TECTA: variants seen among roughly 807,000 people sequenced by gnomAD.
The protein encoded by TECTA is tectorin alpha, also known as alpha-tectorin.
Under a neutral mutation model 216.8 loss-of-function variants are expected in TECTA, and 128 were observed. The observed-to-expected ratio is 0.59, with a 90% CI of 0.51 to 0.68. TECTA has a LOEUF of 0.68. Among genes scored for constraint, TECTA ranks in the 30% least tolerant of loss-of-function variants. TECTA has a pLI of 0.00. For synonymous variants in TECTA, 1,089 were observed against 1,117.1 expected, an observed-to-expected ratio of 0.97 and a Z score of 0.50; for missense variants, 2,551 against 2,786.2, an observed-to-expected ratio of 0.92 and a Z score of 1.90.
intron 20 of TECTA, among the ~76,000 whole-genome samples, chr11:121,173,809 T>A (rs1947137882): frequency 6.6e-6 from 1 of 152,220 alleles, no homozygotes; most frequent in Admixed American, 6.5e-5. Context: ...ATATTGATTC[T>A]TCCTACCCAT....
Position 121,105,956 on chromosome 11 carries a change from A to G in TECTA, c.190A>G (p.Thr64Ala), listed in dbSNP as rs1946386251. ...PVFFFGVPYRTVYVNNNGVVS... is the reference protein window; with the variant it reads ...PVFFFGVPYRAVYVNNNGVVS... Reference sequence around the variant, plus strand: ...TTTCTTCTTTGGCGTTCCTTACCGCACTGTCTATGTAAGTGGAGAAGCAGC... The same window carrying G: ...TTTCTTCTTTGGCGTTCCTTACCGCGCTGTCTATGTAAGTGGAGAAGCAGC... Residue 64 changes from threonine (T) to alanine (A), a missense_variant, in exon 3 of 24, where the codon ACT (threonine) becomes GCT (alanine). Physicochemically the swap from Thr to Ala is moderately conservative, Grantham distance 58. This residue lies in a region of TECTA where 2,375 missense variants were observed against 2,563.9 expected (regional missense o/e 0.93). Coordinates refer to ENST00000392793, the MANE Select transcript of TECTA (RefSeq NM_005422.4). This position sits in a 1 kb window ranked among gnomAD's most constrained non-coding sequence, Gnocchi z 5.3. 6.2e-7 allele frequency: 1 copy of G among 1,614,100 alleles called. No individual in the cohort carries two copies. Among genetic ancestry groups the G allele is most frequent in the South Asian group, 1.1e-5 (1 of 91,086 alleles).
intron 10 of TECTA, among the ~76,000 whole-genome samples, chr11:121,133,461 G>GCT (rs1946694936): frequency 6.6e-6 from 1 of 151,760 alleles, no homozygotes; most frequent in Non-Finnish European, 1.5e-5. Flanking sequence ...TGGGGTGCCA[G>GCT]GATGGGGAAC....
At chr11:121,160,101 AG>A (rs757872412) in intron 14 of TECTA, 33 bp from the exon 15 acceptor site, 53 of 1,613,916 alleles carry the variant, frequency 3.3e-5, no homozygotes, top group Non-Finnish European at 2.8e-5. Flanking sequence ...ACCTACTCTA[AG>A]CGTAATTATT....
Position 121,109,460 on chromosome 11 carries a change from G to C in TECTA, c.448G>C (p.Glu150Gln), listed in dbSNP as rs1946423297. ...CACTTGGGTTTTCATTGTGACATGGGAGGAAGTCACGTTTTATGGAGGCAG... is the reference window on the plus strand; with the variant it reads ...CACTTGGGTTTTCATTGTGACATGGCAGGAAGTCACGTTTTATGGAGGCAG... Reference protein sequence around the residue: ...SATWVFIVTWEEVTFYGGSST... With the variant: ...SATWVFIVTWQEVTFYGGSST... The change falls in exon 4 of 24, where the codon GAG becomes CAG. Residue 150 changes from glutamate to glutamine, a missense_variant. Glu to Gln is a conservative substitution (Grantham distance 29). This residue lies in a region of TECTA where 2,375 missense variants were observed against 2,563.9 expected (regional missense o/e 0.93). Coordinates refer to ENST00000392793, the MANE Select transcript of TECTA (RefSeq NM_005422.4). 1.9e-6 allele frequency: 3 copies of C among 1,614,142 alleles called. No homozygotes were observed. The highest frequency in any genetic ancestry group is 8.5e-7 in the Non-Finnish European group (1 of 1,180,026).
chr11:121,176,077 G>A (rs1248168988), intron 20 of TECTA, among the ~76,000 whole-genome samples: 3 of 151,552 alleles, frequency 2.0e-5, no homozygotes, highest in Non-Finnish European at 4.4e-5. Flanking sequence ...GAGCCTATGT[G>A]TGTCTCTGCA....
intron 9 of TECTA, 61 bp downstream of exon 9, chr11:121,128,405 C>T (rs2135082250): frequency 6.6e-7 from 1 of 1,521,470 alleles, no homozygotes; most frequent in African/African-American, 1.4e-5. Context: ...GAGGAGCTCG[C>T]CATCCTCTTC....
At chr11:121,164,038 G>A (rs1947027153) in intron 16 of TECTA, among the ~76,000 whole-genome samples, 1 of 152,192 alleles carries the variant, frequency 6.6e-6, no homozygotes, top group African/African-American at 2.4e-5. Context: ...AGCCATCCAT[G>A]CACTCCCACG....
intron 4 of TECTA, 103 bp downstream of exon 4, chr11:121,109,601 C>A: frequency 7.0e-7 from 1 of 1,423,240 alleles, no homozygotes; most frequent in African/African-American, 1.4e-5. Context: ...TAAGGAGTGT[C>A]AGTTCCCTTG....
Position 121,158,058 on chromosome 11 carries a change from A to T in TECTA, c.4523A>T (p.Asn1508Ile). ...FDGAFLRFPA[N>I]CAFVLSTICQ... is the part of the protein sequence containing the mutation. ...GGCGCCTTCCTGCGCTTCCCAGCCA[A>T]CTGCGCCTTCGTGCTGTCCACCATC... Residue 1508 changes from asparagine to isoleucine, a missense_variant, in exon 14 of 24, where the codon AAC (asparagine) becomes ATC (isoleucine). Around this residue, in one of 3 missense-constraint regions of TECTA, gnomAD observed 2,375 missense variants for 2,563.9 expected, o/e 0.93. Transcript: ENST00000392793. The T allele has an allele frequency of 6.2e-7, 1 of 1,613,636 alleles. No individual in the cohort carries two copies. The highest frequency in any genetic ancestry group is 2.2e-5 in the East Asian group (1 of 44,880).
At position 121,128,059 on chromosome 11, in the gene TECTA, GGT is replaced by G; in HGVS notation, c.2086_2087del (p.Cys696ArgfsTer29). 1 of 1,612,646 alleles carries G rather than the reference GGT, an allele frequency of 6.2e-7. No homozygotes were observed. Among genetic ancestry groups the G allele is most frequent in the Non-Finnish European group, 8.5e-7 (1 of 1,179,408 alleles). On this transcript the variant is annotated frameshift_variant, in exon 9 of 24. Transcript: ENST00000392793. LOFTEE classifies it high-confidence loss of function. Reference protein sequence around the residue: ...CFNKTCGSGEVCAVEDGYQGC... With the variant: ...CFNKTCGSGEXCAVEDGYQGC... ...TCAACAAGACCTGCGGCAGCGGGGA[GGT>G]GTGCGCCGTGGAGGACGGCTACCAG...
At chr11:121,126,469 G>A (rs753816096) in intron 8 of TECTA, among the ~76,000 whole-genome samples, 1 of 152,182 alleles carries the variant, frequency 6.6e-6, no homozygotes, top group South Asian at 2.1e-4. Flanking sequence ...TTTGGATTAA[G>A]CATTTTGTAC....
At chr11:121,103,235 TC>T (rs1176799217) in intron 2 of TECTA, among the ~76,000 whole-genome samples, 1 of 152,200 alleles carries the variant, frequency 6.6e-6, no homozygotes, top group Non-Finnish European at 1.5e-5. Flanking sequence ...AGTGATTCCT[TC>T]TTTTTCTCTG....
At chr11:121,117,796 C>G (rs930906005) in intron 6 of TECTA, among the ~76,000 whole-genome samples, 2 of 152,228 alleles carry the variant, frequency 1.3e-5, no homozygotes, top group Non-Finnish European at 2.9e-5. Flanking sequence ...GATTTATACT[C>G]ATGCATCTGA....
At chr11:121,114,631 A>G (rs868714010) in intron 6 of TECTA, among the ~76,000 whole-genome samples, 6 of 38,690 alleles carry the variant, frequency 1.6e-4, no homozygotes, top group Admixed American at 9.9e-4. Context: ...CTACCCACCC[A>G]CCCATCCACC....
intron 13 of TECTA, among the ~76,000 whole-genome samples, chr11:121,157,361 T>C (rs1222832628): frequency 6.6e-6 from 1 of 151,980 alleles, no homozygotes; most frequent in East Asian, 1.9e-4. Context: ...TCCAAGCAGT[T>C]TGGGAGGCTG....
rs554463057 is a variant in TECTA at position 121,181,471 on chromosome 11, T to G, written c.6000-6361T>G. On this transcript the variant is annotated intron_variant, in intron 20 of 23. Coordinates refer to ENST00000392793, the MANE Select transcript of TECTA (RefSeq NM_005422.4). ...GGAGAATTATTATTATTATTATTAT[T>G]ATGATTTTATTTTTTGAAATGGAGT... Among the ~76,000 whole-genome samples, 18 of 151,094 alleles carry G rather than the reference T, an allele frequency of 1.2e-4. No homozygotes were observed. In the South Asian group the frequency reaches 3.6e-3, roughly 30 times the overall value.
intron 7 of TECTA, among the ~76,000 whole-genome samples, chr11:121,119,032 C>T (rs1565520085): frequency 6.6e-6 from 1 of 151,882 alleles, no homozygotes; most frequent in Non-Finnish European, 1.5e-5. Context: ...CACACACACA[C>T]ACACACAGTT....
rs758382861 is a variant in TECTA, at chr11:121,165,291, C to T, written c.5291C>T (p.Pro1764Leu). ...TTTTTAGCAGGAGTGGTTGAAGATC[C>T]CTGTGTGGGGGCGGACTGTCCCAAC... ...KENCSGVVED[P>L]CVGADCPNRT... The change falls in exon 17 of 24, where the codon CCC (proline) becomes CTC (leucine). Residue 1764 changes from proline (P) to leucine (L), a missense_variant. This residue lies in a region of TECTA where 2,375 missense variants were observed against 2,563.9 expected (regional missense o/e 0.93). Transcript: ENST00000392793. 4.4e-6 allele frequency: 7 copies of T among 1,606,356 alleles called. No individual in the cohort carries two copies. In the East Asian group the frequency reaches 1.6e-4, roughly 36 times the overall value.
rs1947007745 is a variant in TECTA at position 121,162,227 on chromosome 11, C to A, written c.5129C>A (p.Pro1710His). ...FFQPCYGLLD[P>H]LPFYESCYLD... is the part of the protein sequence containing the mutation. ...CAGCCCTGCTATGGGCTTCTCGATC[C>A]CCTCCCATTCTACGAGTCCTGCTAC... The change falls in exon 16 of 24, where the codon CCC becomes CAC. Residue 1710 changes from proline to histidine, a missense_variant. By Grantham distance (77) the Pro-to-His change is moderately conservative (BLOSUM62 -2). Around this residue, in one of 3 missense-constraint regions of TECTA, gnomAD observed 2,375 missense variants for 2,563.9 expected, o/e 0.93. Coordinates refer to ENST00000392793, the MANE Select transcript of TECTA (RefSeq NM_005422.4). The A allele has an allele frequency of 6.2e-7, 1 of 1,614,072 alleles. No individual in the cohort carries two copies. The highest frequency in any genetic ancestry group is 1.3e-5 in the African/African-American group (1 of 74,944).
Sources: gnomAD v4.1 joint callset for allele counts (sites outside exome capture counted in the v4.1 genomes callset) on GRCh38, gnomAD v4.1.1 for gene constraint, gnomAD v4.1.1 regional missense constraint, Gnocchi (gnomAD v3.1) non-coding constraint, MANE v1.5 for transcripts, NCBI Gene and HGNC (gene_info 2026-07-23, HGNC 2026-07-21) for gene names.